The following EVI5 variants were observed in gnomAD, a reference collection of about 807,000 sequenced individuals.
The protein encoded by EVI5 is ecotropic viral integration site 5, also known as ecotropic viral integration site 5 protein homolog.
Under a neutral mutation model 112.0 loss-of-function variants are expected in EVI5, and 73 were observed. That is an observed-to-expected ratio of 0.65 (90% CI 0.54 to 0.79). The LOEUF (loss-of-function observed/expected upper bound fraction) is 0.79. EVI5 is among the 30% of genes least tolerant of loss of function. The pLI is 0.00. For synonymous variants in EVI5, 305 were observed against 319.9 expected, an observed-to-expected ratio of 0.95 and a Z score of 0.50; for missense variants, 900 against 968.8, an observed-to-expected ratio of 0.93 and a Z score of 0.94.
At chr1:92,549,977 G>T (rs1666508756) in intron 19 of EVI5, among the ~76,000 whole-genome samples, 1 of 152,218 alleles carries the variant, frequency 6.6e-6, no homozygotes, top group South Asian at 2.1e-4. Context: ...AATACCATTT[G>T]ACCCAGCCAT....
At chr1:92,591,018 G>T (rs1050199626) in intron 18 of EVI5, among the ~76,000 whole-genome samples, 3 of 152,106 alleles carry the variant, frequency 2.0e-5, no homozygotes, top group African/African-American at 4.8e-5. Flanking sequence ...AAACTAAGCT[G>T]CATAAGTAAA....
intron 18 of EVI5, among the ~76,000 whole-genome samples, chr1:92,592,793 T>C (rs562805325): frequency 1.3e-5 from 2 of 152,242 alleles, no homozygotes; most frequent in East Asian, 3.9e-4. Flanking sequence ...TATAAACACC[T>C]CTATGCAAAT....
intron 19 of EVI5, among the ~76,000 whole-genome samples, chr1:92,544,177 A>T (rs2100662078): frequency 6.6e-6 from 1 of 152,296 alleles, no homozygotes; most frequent in East Asian, 1.9e-4. Flanking sequence ...TGGGGGAATA[A>T]GGCTTGGAGA....
At chr1:92,674,120 G>A (rs1424214825) in intron 10 of EVI5, among the ~76,000 whole-genome samples, 1 of 152,140 alleles carries the variant, frequency 6.6e-6, no homozygotes, top group Non-Finnish European at 1.5e-5. Context: ...AGAGACTTTT[G>A]CGGGAGGGAG....
At chr1:92,682,663 G>A (rs1667791523) in intron 9 of EVI5, among the ~76,000 whole-genome samples, 1 of 152,114 alleles carries the variant, frequency 6.6e-6, no homozygotes, top group Admixed American at 6.5e-5. Context: ...TACTCAGGAG[G>A]CTGAGGCTTG....
intron 16 of EVI5, among the ~76,000 whole-genome samples, chr1:92,611,561 G>A (rs919552444): frequency 5.3e-5 from 8 of 151,382 alleles, no homozygotes; most frequent in African/African-American, 9.7e-5. Context: ...AATTAGCCAG[G>A]CGTGATGGCG....
intron 1 of EVI5, among the ~76,000 whole-genome samples, chr1:92,772,522 A>G (rs1197185004): frequency 1.3e-5 from 2 of 152,112 alleles, no homozygotes; most frequent in African/African-American, 2.4e-5. Context: ...AGTTAAACAT[A>G]CATCTTCCCT....
Position 92,732,360 on chromosome 1 carries a change from C to A in EVI5, c.149+4038G>T, listed in dbSNP as rs181152525. The A allele has an allele frequency of 6.0e-5, 20 of 335,346 alleles. No individual in the cohort carries two copies. In the East Asian group the frequency reaches 1.7e-3, roughly 29 times the overall value. The allele number at this position is 335,346 out of a possible 1,614,324, so 20.8% of individuals were successfully genotyped here. On this transcript the variant is annotated intron_variant, in intron 2 of 19. Transcript: ENST00000684568. ...CAGTAACTTGTTAAAGACATTGATT[C>A]CAAAACAGGAGAGACAGCAAGCAAA...
At chr1:92,676,277 G>A (rs1666734627) in intron 10 of EVI5, among the ~76,000 whole-genome samples, 1 of 151,984 alleles carries the variant, frequency 6.6e-6, no homozygotes, top group African/African-American at 2.4e-5. Flanking sequence ...TGTAAAAGGA[G>A]AAAAATAAGG....
intron 9 of EVI5, among the ~76,000 whole-genome samples, chr1:92,683,678 G>C (rs1667977745): frequency 2.6e-5 from 4 of 152,140 alleles, no homozygotes; most frequent in Admixed American, 2.0e-4. Flanking sequence ...TTAGATGATT[G>C]GCTAACTAGA....
chr1:92,612,311 C>T (rs1472080551), intron 16 of EVI5, among the ~76,000 whole-genome samples: 3 of 152,016 alleles, frequency 2.0e-5, no homozygotes, highest in Non-Finnish European at 4.4e-5. Flanking sequence ...AAGAAAGAAA[C>T]CAAAAGTACC....
intron 19 of EVI5, among the ~76,000 whole-genome samples, chr1:92,548,576 T>C (rs1296057322): frequency 6.6e-6 from 1 of 152,212 alleles, no homozygotes; most frequent in African/African-American, 2.4e-5. Context: ...GCAGATGACA[T>C]GATTGTATAT....
At chr1:92,558,899 A>G (rs1668084860) in intron 19 of EVI5, among the ~76,000 whole-genome samples, 1 of 151,962 alleles carries the variant, frequency 6.6e-6, no homozygotes, top group African/African-American at 2.4e-5. Flanking sequence ...ACCAACCAAA[A>G]AAACCCCTAA....
chr1:92,602,210 T>A (rs1385214516), intron 18 of EVI5, among the ~76,000 whole-genome samples: 1 of 152,134 alleles, frequency 6.6e-6, no homozygotes, highest in Non-Finnish European at 1.5e-5. Flanking sequence ...AAAAGGAAAT[T>A]TCAGGTGGGA....
At chr1:92,694,685 C>A (rs981689847) in intron 7 of EVI5, among the ~76,000 whole-genome samples, 1 of 152,116 alleles carries the variant, frequency 6.6e-6, no homozygotes, top group African/African-American at 2.4e-5. Flanking sequence ...GGATTTCGCA[C>A]AAAAATCTGT....
chr1:92,614,013 C>T (rs1652479476), intron 16 of EVI5, among the ~76,000 whole-genome samples: 1 of 152,174 alleles, frequency 6.6e-6, no homozygotes, highest in South Asian at 2.1e-4. Flanking sequence ...AAGGGAAAAC[C>T]TAAAGACACA....
intron 2 of EVI5, among the ~76,000 whole-genome samples, chr1:92,724,798 A>C (rs1675304625): frequency 6.6e-6 from 1 of 151,946 alleles, no homozygotes; most frequent in Non-Finnish European, 1.5e-5. Context: ...ACAGAGTAAG[A>C]CCCTGTCTTT....
Position 92,694,369 on chromosome 1 carries a change from C to A in EVI5, c.929G>T (p.Arg310Leu). 1 of 1,598,326 alleles carries A rather than the reference C, an allele frequency of 6.3e-7. No individual in the cohort carries two copies. Among genetic ancestry groups the A allele is most frequent in the Non-Finnish European group, 8.6e-7 (1 of 1,168,754 alleles). The change falls in exon 8 of 20, where the codon CGT (arginine) becomes CTT (leucine). Residue 310 changes from arginine (R) to leucine (L), a missense_variant. By Grantham distance (102) the Arg-to-Leu change is moderately radical. Transcript: ENST00000684568. The part of the protein sequence containing the change: ...FMSEGLEIVF[R>L]VGLALLQMNQ... ...CATCTGAAGAAGTGCTAATCCTACA[C>A]GAAACACTATTTCTAAACCCTGAGG...
intron 18 of EVI5, among the ~76,000 whole-genome samples, chr1:92,581,193 C>T (rs1361653771): frequency 2.6e-5 from 4 of 152,184 alleles, no homozygotes; most frequent in Non-Finnish European, 4.4e-5. Context: ...CAAGCTTGTT[C>T]TCACTTTTCT....
Sources: gnomAD v4.1 joint callset for allele counts (sites outside exome capture counted in the v4.1 genomes callset) on GRCh38, gnomAD v4.1.1 for gene constraint, MANE v1.5 for transcripts, NCBI Gene and HGNC (gene_info 2026-07-23, HGNC 2026-07-21) for gene names.